Variants in LRRC31 observed in about 807,000 individuals in gnomAD.
The protein encoded by LRRC31 is leucine rich repeat containing 31, also known as leucine-rich repeat-containing protein 31.
A neutral mutation model predicts 46.7 loss-of-function variants in LRRC31; 35 were observed. The observed-to-expected ratio is 0.75, with a 90% CI of 0.57 to 0.99. The LOEUF (loss-of-function observed/expected upper bound fraction) is 0.99, where lower values mean the gene tolerates loss of function less well. LRRC31 is among the 50% of genes least tolerant of loss of function. The pLI is 0.00. For synonymous variants in LRRC31, 236 were observed against 235.1 expected (o/e 1.00, Z -0.03); for missense variants, 613 against 626.1 (o/e 0.98, Z 0.22).
chr3:169,850,541 G>T (rs1028059792), intron 7 of LRRC31, among the ~76,000 whole-genome samples: 2 of 152,174 alleles, frequency 1.3e-5, no homozygotes, highest in African/African-American at 4.8e-5. Context: ...GTGGGGAAGA[G>T]TATGGTACAT....
At chr3:169,849,452 T>TA (rs796652256) in intron 7 of LRRC31, among the ~76,000 whole-genome samples, 126 of 151,204 alleles carry the variant, frequency 8.3e-4, no homozygotes, top group African/African-American at 2.9e-3. Context: ...GCAATTCCTT[T>TA]AAAAAAAAAA....
rs202206239 is a variant in LRRC31, at chr3:169,856,752, A to G, written c.608T>C (p.Ile203Thr). The G allele has an allele frequency of 1.2e-4, 199 of 1,607,502 alleles. No homozygotes were observed. The African/African-American group carries it at 2.5e-3, about 20-fold the overall frequency. The stretch of plus-strand genomic sequence containing the variant: ...CGTGAGGGAGCAATCCACAAGCTCA[A>G]TCATTTGTATCTTGCTCCCTTTTTG... ...KFQKGSKIQM[I>T]ELVDCSLTSE... The change falls in exon 4 of 9, where the codon ATT becomes ACT. Residue 203 changes from isoleucine to threonine, a missense_variant. By Grantham distance (89) the Ile-to-Thr change is moderately conservative. Coordinates refer to ENST00000316428, the MANE Select transcript of LRRC31 (RefSeq NM_024727.4).
At chr3:169,851,025 G>GT (rs1405092433) in intron 7 of LRRC31, among the ~76,000 whole-genome samples, 1 of 152,090 alleles carries the variant, frequency 6.6e-6, no homozygotes, top group Non-Finnish European at 1.5e-5. Context: ...GGGTATATCT[G>GT]TGACCTTAAG....
chr3:169,859,857 A>G (rs1781091294), intron 3 of LRRC31, among the ~76,000 whole-genome samples: 1 of 152,138 alleles, frequency 6.6e-6, no homozygotes, highest in Non-Finnish European at 1.5e-5. Flanking sequence ...TTGAAACTAC[A>G]TGAGGCTGGA....
At chr3:169,843,705 C>A (rs570387724) in intron 8 of LRRC31, among the ~76,000 whole-genome samples, 2 of 152,264 alleles carry the variant, frequency 1.3e-5, no homozygotes, top group South Asian at 4.1e-4. Flanking sequence ...CAACAGAAAA[C>A]TAATACCTTT....
Position 169,856,355 on chromosome 3 carries a change from T to C in LRRC31, c.804A>G (p.Gln268=). 1.9e-6 allele frequency: 3 copies of C among 1,587,226 alleles called. No individual in the cohort carries two copies. In the East Asian group the frequency reaches 6.9e-5, roughly 36 times the overall value. ...VLKLHSCGLS[Q]KSVKILDAAF... ...ACTCACCCAATATTTTGACACTCTT[T>C]TGTGATAATCCACATGAATGTAACT... Residue 268 remains glutamine (Q), a synonymous_variant, in exon 5 of 9, where the codon CAA becomes CAG. Transcript: ENST00000316428.
Position 169,848,267 on chromosome 3 carries a change from A to G in LRRC31, c.1180T>C (p.Ser394Pro), listed in dbSNP as rs200821318. ...TALAEASVHL[S>P]ALEVFNLSWN... ...GAAAGGTTGAATACTTCCAGAGCAG[A>G]GAGGTGAACAGAGGCTTCAGCTAAA... Residue 394 changes from serine (S) to proline (P), a missense_variant, in exon 8 of 9, where the codon TCT becomes CCT. Ser to Pro is a moderately conservative substitution (Grantham distance 74, BLOSUM62 -1). Coordinates refer to ENST00000316428, the MANE Select transcript of LRRC31 (RefSeq NM_024727.4). 3.5e-5 allele frequency: 56 copies of G among 1,614,006 alleles called. No individual in the cohort carries two copies. Among genetic ancestry groups the G allele is most frequent in the Non-Finnish European group, 1.9e-5 (23 of 1,179,980 alleles).
At chr3:169,841,104 C>T (rs1451385054) in intron 8 of LRRC31, among the ~76,000 whole-genome samples, 1 of 152,218 alleles carries the variant, frequency 6.6e-6, no homozygotes, top group East Asian at 1.9e-4. Context: ...CTTTTCACAG[C>T]CTCTCTACTC....
At chr3:169,857,584 A>G (rs1241262178) in intron 3 of LRRC31, among the ~76,000 whole-genome samples, 1 of 151,586 alleles carries the variant, frequency 6.6e-6, no homozygotes, top group African/African-American at 2.4e-5. Flanking sequence ...AAACCATTAC[A>G]CACTGGAAAG....
At chr3:169,850,508 C>G (rs1005116226) in intron 7 of LRRC31, among the ~76,000 whole-genome samples, 2 of 152,146 alleles carry the variant, frequency 1.3e-5, no homozygotes, top group Admixed American at 6.5e-5. Context: ...TGTGAGCTCC[C>G]TAAAACTGAT....
chr3:169,866,625 G>A (rs1466896474), intron 1 of LRRC31, among the ~76,000 whole-genome samples: 2 of 151,976 alleles, frequency 1.3e-5, no homozygotes, highest in Non-Finnish European at 2.9e-5. Context: ...GCATTTGATG[G>A]CAAACAATCT....
chr3:169,861,021 T>C (rs80099769), intron 2 of LRRC31, among the ~76,000 whole-genome samples: 2,358 of 152,038 alleles, frequency 0.016, 64 homozygotes, highest in African/African-American at 0.054. Flanking sequence ...TAAACTCAGC[T>C]GAAGTCTTCA....
chr3:169,840,175 C>A lies in LRRC31; in HGVS notation c.1466G>T (p.Ser489Ile). ...FLKELIELDI[S>I]LRPSNFRDCG... ...ATCTCGAAAATTTGATGGTCGAAGG[C>A]TAATATCCAGCTCGATTAGCTCTTT... Residue 489 changes from serine to isoleucine, a missense_variant, in exon 9 of 9, where the codon AGC becomes ATC. By Grantham distance (142) the Ser-to-Ile change is moderately radical. Coordinates refer to ENST00000316428, the MANE Select transcript of LRRC31 (RefSeq NM_024727.4). The A allele has an allele frequency of 6.2e-7, 1 of 1,614,108 alleles. No homozygotes were observed. Among genetic ancestry groups the A allele is most frequent in the Non-Finnish European group, 8.5e-7 (1 of 1,180,022 alleles).
intron 8 of LRRC31, among the ~76,000 whole-genome samples, chr3:169,842,072 T>C (rs1044687593): frequency 1.3e-5 from 2 of 152,016 alleles, no homozygotes; most frequent in Non-Finnish European, 2.9e-5. Flanking sequence ...AATACATAAA[T>C]AAATAAATTT....
rs1576776422 is a variant in LRRC31, at chr3:169,839,754, A to C, written c.*228T>G. 1 of 167,094 alleles carries C rather than the reference A, an allele frequency of 6.0e-6. No individual in the cohort carries two copies. Among genetic ancestry groups the C allele is most frequent in the African/African-American group, 2.4e-5 (1 of 41,376 alleles). The allele number at this position is 167,094 out of a possible 1,614,324, so 10.4% of individuals were successfully genotyped here. A position where few individuals can be genotyped will look rare whatever the true frequency, so the allele number is the denominator to read the frequency against. On this transcript the variant is annotated 3_prime_UTR_variant, in exon 9 of 9. Transcript: ENST00000316428. ...TAATGGCATGCTCATATTAGATATT[A>C]TATATATATTTACATATATATGTGT...
Position 169,861,722 on chromosome 3 carries a change from C to T in LRRC31, c.267G>A (p.Lys89=), listed in dbSNP as rs1344700233. ...LQKLGKKAVN[K]CLDLNNCGLT... ...ATCCACAGTTATTCAAATCTAGACA[C>T]TTGTTGACAGCCTTTTTGCCCAGCT... The change falls in exon 2 of 9, where the codon AAG becomes AAA. Residue 89 remains lysine (K), a synonymous_variant. Transcript: ENST00000316428. 2.5e-6 allele frequency: 4 copies of T among 1,614,034 alleles called. No individual in the cohort carries two copies. The South Asian group carries it at 3.3e-5, about 13-fold the overall frequency.
intron 8 of LRRC31, 30 bp from the exon 9 acceptor site, chr3:169,840,343 C>A: frequency 6.2e-7 from 1 of 1,608,678 alleles, no homozygotes; most frequent in African/African-American, 1.3e-5. Context: ...TAAATGCTAA[C>A]ATACAAGAAT....
At chr3:169,861,904 A>G in intron 1 of LRRC31, 91 bp from the exon 2 acceptor site, 3 of 1,298,250 alleles carry the variant, frequency 2.3e-6, no homozygotes, top group South Asian at 1.4e-5. Context: ...AAAAGACTGC[A>G]TAACTCTGAA....
intron 1 of LRRC31, among the ~76,000 whole-genome samples, chr3:169,866,081 G>A (rs1010740495): frequency 6.6e-5 from 10 of 152,144 alleles, no homozygotes; most frequent in African/African-American, 2.2e-4. Context: ...CCATGCTTGG[G>A]AATATAGGTG....
Sources: allele counts gnomAD v4.1 joint callset (sites outside exome capture counted in the v4.1 genomes callset), GRCh38; gene constraint gnomAD v4.1.1; transcripts MANE v1.5; gene names NCBI Gene and HGNC (gene_info 2026-07-23, HGNC 2026-07-21).